Variants in SRGAP2 observed in about 807,000 individuals in gnomAD.
SRGAP2 encodes the protein SLIT-ROBO Rho GTPase-activating protein 2.
A neutral mutation model predicts 57.2 loss-of-function variants in SRGAP2; 15 were observed. The ratio of observed to expected loss-of-function variants is 0.26; its 90% CI spans 0.18 to 0.40. The LOEUF is 0.40. Among genes scored for constraint, SRGAP2 ranks in the 10% least tolerant of loss-of-function variants. The pLI is 1.00. For synonymous variants in SRGAP2, 249 were observed against 248.0 expected (o/e 1.00, Z -0.04); for missense variants, 520 against 669.6 (o/e 0.78, Z 2.47).
rs1333627730 is a variant in SRGAP2 at position 206,454,513 on chromosome 1, C to T, written c.2361-365C>T. ...ACCCGGCAGTGCTCAGGACCTCAGC[C>T]GATAAACCACAACCTGGACTTGCCG... On this transcript the variant is annotated intron_variant, in intron 20 of 22. Coordinates refer to ENST00000573034, the MANE Select transcript of SRGAP2 (RefSeq NM_015326.5). The surrounding 1 kb of genome is among the most constrained non-coding windows in gnomAD (Gnocchi z 4.3). 12 of 416,118 alleles carry T rather than the reference C, an allele frequency of 2.9e-5. 1 individual carries two copies. Among genetic ancestry groups the T allele is most frequent in the South Asian group, 1.9e-4 (5 of 25,732 alleles). The allele number at this position is 416,118 out of a possible 1,614,324, so 25.8% of individuals were successfully genotyped here.
intron 12 of SRGAP2, among the ~76,000 whole-genome samples, chr1:206,420,042 G>A (rs1660157404): frequency 1.3e-5 from 2 of 152,080 alleles, no homozygotes; most frequent in African/African-American, 4.8e-5. Flanking sequence ...TTTGTGAGCT[G>A]TCGGAGAGCA....
At chr1:206,220,788 G>A (rs1666935999) in intron 2 of SRGAP2, among the ~76,000 whole-genome samples, 1 of 152,138 alleles carries the variant, frequency 6.6e-6, no homozygotes, top group African/African-American at 2.4e-5. Flanking sequence ...GGCTATTGAT[G>A]AAACTTTCAA....
At chr1:206,353,409 G>A (rs1676177963) in intron 4 of SRGAP2, among the ~76,000 whole-genome samples, 1 of 152,024 alleles carries the variant, frequency 6.6e-6, no homozygotes, top group African/African-American at 2.4e-5. Context: ...CACTTTGGGA[G>A]GCCAAGGTGG....
At chr1:206,357,111 C>T (rs868937726) in intron 4 of SRGAP2, among the ~76,000 whole-genome samples, 1 of 144,778 alleles carries the variant, frequency 6.9e-6, no homozygotes, top group Non-Finnish European at 1.5e-5. Flanking sequence ...TAGTAAGGCC[C>T]AGGGACAGGA....
At chr1:206,437,275 G>T (rs1207340975) in intron 15 of SRGAP2, among the ~76,000 whole-genome samples, 2 of 152,102 alleles carry the variant, frequency 1.3e-5, no homozygotes, top group Admixed American at 6.5e-5. Flanking sequence ...CTTTCACGCC[G>T]ATGATCTGCC....
At position 206,453,327 on chromosome 1, in the gene SRGAP2, G is replaced by A. The variant is rs1219480341; in HGVS notation, c.2307G>A (p.Arg769=). 4 of 754,690 alleles carry A rather than the reference G, an allele frequency of 5.3e-6. No homozygotes were observed. The highest frequency in any genetic ancestry group is 9.9e-6 in the Non-Finnish European group (4 of 404,484). 46.7% of individuals were successfully genotyped at this position (754,690 alleles called of 1,614,324 possible). The part of the protein sequence containing the change: ...QRASDDWWEG[R]HNGIDGLIPH... ...CTTCCGACGACTGGTGGGAAGGCCG[G>A]CACAATGGCATCGACGGACTCATCC... The change falls in exon 20 of 23, where the codon CGG becomes CGA. Residue 769 remains arginine, a synonymous_variant. Transcript: ENST00000573034.
chr1:206,447,488 G>C (rs975236909), intron 18 of SRGAP2, among the ~76,000 whole-genome samples: 2 of 152,330 alleles, frequency 1.3e-5, no homozygotes, highest in Admixed American at 6.5e-5. Context: ...CTGTACTGCA[G>C]ATTTCAGTGT....
intron 3 of SRGAP2, chr1:206,333,502 C>A: frequency 7.7e-7 from 1 of 1,294,846 alleles, no homozygotes; most frequent in South Asian, 1.2e-5. Context: ...GGCGGCGCGG[C>A]TCTGTGTCCT....
intron 8 of SRGAP2, among the ~76,000 whole-genome samples, chr1:206,402,161 A>G (rs1370437259): frequency 3.9e-5 from 6 of 152,266 alleles, no homozygotes; most frequent in Non-Finnish European, 7.4e-5. Context: ...GTTCTGAATA[A>G]TCTTATTCTC....
intron 2 of SRGAP2, among the ~76,000 whole-genome samples, chr1:206,228,885 A>G (rs559077102): frequency 8.2e-4 from 123 of 150,864 alleles, no homozygotes; most frequent in African/African-American, 2.9e-3. Context: ...CCATTTTCCA[A>G]TCTCTTATCT....
At chr1:206,373,931 A>G (rs1212381342) in intron 4 of SRGAP2, among the ~76,000 whole-genome samples, 2 of 152,134 alleles carry the variant, frequency 1.3e-5, no homozygotes, top group Non-Finnish European at 2.9e-5. Context: ...AAAAGTCAGT[A>G]AAAATACAGA....
At chr1:206,274,038 CTA>C (rs1289980432) in intron 2 of SRGAP2, among the ~76,000 whole-genome samples, 1 of 135,760 alleles carries the variant, frequency 7.4e-6, no homozygotes, top group African/African-American at 3.2e-5. Flanking sequence ...TCTGAAAATT[CTA>C]TGTCTTTCAG....
chr1:206,426,136 C>A (rs1258354544), intron 13 of SRGAP2, among the ~76,000 whole-genome samples: 2 of 152,156 alleles, frequency 1.3e-5, no homozygotes, highest in African/African-American at 4.8e-5. Flanking sequence ...CTCCCCGCTA[C>A]CCTTCCCAGT....
At chr1:206,263,708 G>C (rs1669707905) in intron 2 of SRGAP2, among the ~76,000 whole-genome samples, 1 of 152,168 alleles carries the variant, frequency 6.6e-6, no homozygotes, top group African/African-American at 2.4e-5. Context: ...CTGTTAGGTT[G>C]GGTATATAAC....
At chr1:206,310,974 G>A (rs555896837) in intron 3 of SRGAP2, among the ~76,000 whole-genome samples, 7 of 148,608 alleles carry the variant, frequency 4.7e-5, no homozygotes, top group Admixed American at 6.7e-5. Context: ...ATTCCATCCC[G>A]AGAGTGTTAT....
At chr1:206,353,315 T>G (rs1553338600) in intron 4 of SRGAP2, among the ~76,000 whole-genome samples, 2 of 152,296 alleles carry the variant, frequency 1.3e-5, no homozygotes, top group African/African-American at 4.8e-5. Flanking sequence ...TTTTCAAATT[T>G]TTGTTTTCTG....
intron 13 of SRGAP2, among the ~76,000 whole-genome samples, chr1:206,424,903 C>A (rs1660660066): frequency 6.6e-6 from 1 of 152,344 alleles, no homozygotes; most frequent in South Asian, 2.1e-4. Context: ...TAGAAAAATG[C>A]CTGTGCAGTA....
intron 17 of SRGAP2, among the ~76,000 whole-genome samples, chr1:206,441,566 G>A (rs1362898523): frequency 6.6e-6 from 1 of 152,140 alleles, no homozygotes; most frequent in Non-Finnish European, 1.5e-5. Context: ...TAGACCAAAG[G>A]TTATAAATGG....
chr1:206,251,695 C>G (rs1171914704), intron 2 of SRGAP2, among the ~76,000 whole-genome samples: 2 of 131,502 alleles, frequency 1.5e-5, no homozygotes, highest in Non-Finnish European at 3.1e-5. Flanking sequence ...GGATCTCCCC[C>G]TTGGTTCTTT....
Sources: allele counts gnomAD v4.1 joint callset (sites outside exome capture counted in the v4.1 genomes callset), GRCh38; gene constraint gnomAD v4.1.1; non-coding constraint Gnocchi (gnomAD v3.1); transcripts MANE v1.5; gene names NCBI Gene and HGNC (gene_info 2026-07-23, HGNC 2026-07-21).